P2RX3: variants seen among roughly 807,000 people sequenced by gnomAD.
P2RX3 encodes purinergic receptor P2X 3.
A neutral mutation model predicts 51.5 loss-of-function variants in P2RX3; 41 were observed. The ratio of observed to expected loss-of-function variants is 0.80; its 90% confidence interval spans 0.62 to 1.03. P2RX3 has a LOEUF of 1.03. Among genes scored for constraint, P2RX3 ranks in the 50% least tolerant of loss-of-function variants. P2RX3 has a pLI of 0.00. For missense variants in P2RX3, 459 were observed against 522.1 expected (o/e 0.88, Z 1.18); for synonymous variants, 185 against 191.6 (o/e 0.97, Z 0.29).
chr11:57,346,418 G>A (rs1190344368), intron 1 of P2RX3, 126 bp from the exon 2 acceptor site: 3 of 1,188,920 alleles, frequency 2.5e-6, no homozygotes, highest in Admixed American at 2.2e-5. Context: ...CACGCCTCTG[G>A]AAGGAACCAT....
intron 10 of P2RX3, among the ~76,000 whole-genome samples, chr11:57,368,951 C>A (rs908859997): frequency 2.0e-5 from 3 of 152,140 alleles, no homozygotes; most frequent in Non-Finnish European, 2.9e-5. Flanking sequence ...TCAGTCCTCC[C>A]TGGAGGACTG....
intron 8 of P2RX3, among the ~76,000 whole-genome samples, chr11:57,353,152 AAGAG>A (rs1032543702): frequency 1.3e-5 from 2 of 152,230 alleles, no homozygotes; most frequent in African/African-American, 4.8e-5. Flanking sequence ...ATGCTTGAAT[AAGAG>A]AGAAAGGGTC....
intron 8 of P2RX3, among the ~76,000 whole-genome samples, chr11:57,367,446 C>T (rs545293540): frequency 8.5e-4 from 129 of 152,280 alleles, no homozygotes; most frequent in African/African-American, 2.7e-3. Context: ...TCTGGCCGGA[C>T]GCGGTGGCTC....
intron 8 of P2RX3, among the ~76,000 whole-genome samples, chr11:57,354,308 T>C (rs1248377032): frequency 6.6e-6 from 1 of 152,214 alleles, no homozygotes; most frequent in Non-Finnish European, 1.5e-5. Context: ...TTTTACTCCT[T>C]GGTCTGTTCT....
At chr11:57,340,086 G>T (rs948032054) in intron 1 of P2RX3, among the ~76,000 whole-genome samples, 6 of 152,216 alleles carry the variant, frequency 3.9e-5, no homozygotes, top group African/African-American at 1.4e-4. Flanking sequence ...CATCTCTAGA[G>T]CTTGGCTCAA....
chr11:57,341,832 C>G (rs140344925), intron 1 of P2RX3, among the ~76,000 whole-genome samples: 57 of 152,240 alleles, frequency 3.7e-4, no homozygotes, highest in African/African-American at 1.3e-3. Context: ...CTGACCCCAC[C>G]ACAGCCCTGC....
rs1367531788 is a variant in P2RX3 at position 57,371,444 on chromosome 11, A to T, written c.*1447A>T. ...AGAGTGGGCATGATCATGAGGTCTT[A>T]GCTGCACCAGCTCAACTGTAGATGG... On this transcript the variant is annotated 3_prime_UTR_variant, in exon 12 of 12. Transcript: ENST00000263314. Among the ~76,000 whole-genome samples, 4 of 152,252 alleles carry T rather than the reference A, an allele frequency of 2.6e-5. No individual in the cohort carries two copies. Among genetic ancestry groups the T allele is most frequent in the Non-Finnish European group, 5.9e-5 (4 of 68,044 alleles).
upstream of P2RX3, among the ~76,000 whole-genome samples, chr11:57,336,093 T>C (rs1486641426): frequency 1.3e-5 from 2 of 152,056 alleles, no homozygotes; most frequent in African/African-American, 4.8e-5. Flanking sequence ...TAAAGAGAAA[T>C]TGTGTAGTTT....
At position 57,368,111 on chromosome 11, in the gene P2RX3, A is replaced by C. The variant is rs777723295; in HGVS notation, c.936+9A>C. 1.2e-6 allele frequency: 2 copies of C among 1,613,496 alleles called. No homozygotes were observed. The highest frequency in any genetic ancestry group is 2.2e-5 in the South Asian group (2 of 91,054). On this transcript the variant is annotated intron_variant, in intron 9 of 11. Transcript: ENST00000263314. ...TGCTGGTATACGGGAATGTGAGTCC[A>C]TGGGCCAGGCAGATGGGGTGGACAG...
chr11:57,357,455 A>G (rs1348429529), intron 8 of P2RX3, among the ~76,000 whole-genome samples: 3 of 152,252 alleles, frequency 2.0e-5, no homozygotes, highest in Non-Finnish European at 4.4e-5. Context: ...GTCTGGCTCC[A>G]GAACCTGTGC....
At chr11:57,364,614 G>A (rs571163971) in intron 8 of P2RX3, among the ~76,000 whole-genome samples, 7 of 152,180 alleles carry the variant, frequency 4.6e-5, no homozygotes, top group South Asian at 2.1e-4. Context: ...AAAATATCCC[G>A]AGAGTCCTCC....
At chr11:57,348,044 C>A in intron 4 of P2RX3, 126 bp from the exon 5 acceptor site, 1 of 856,312 alleles carries the variant, frequency 1.2e-6, no homozygotes, top group Non-Finnish European at 1.8e-6. Flanking sequence ...AGTCAGCTCC[C>A]TTTTCCCTGC....
upstream of P2RX3, among the ~76,000 whole-genome samples, chr11:57,337,457 G>T (rs1293473940): frequency 2.0e-5 from 3 of 151,590 alleles, no homozygotes; most frequent in African/African-American, 7.3e-5. Context: ...AAAAGAAGTT[G>T]GCACATATAC....
At position 57,361,253 on chromosome 11, in the gene P2RX3, C is replaced by T. The variant is rs547233746; in HGVS notation, c.843-6756C>T. On this transcript the variant is annotated intron_variant, in intron 8 of 11. Transcript: ENST00000263314. ...GCCTCTGGCCTTCTTGCCCTTTTAA[C>T]TCTCCATCCTTCAAGCCCCAGCTTG... Among the ~76,000 whole-genome samples, 3 of 152,208 alleles carry T rather than the reference C, an allele frequency of 2.0e-5. No homozygotes were observed. The East Asian group carries it at 5.8e-4, about 29-fold the overall frequency.
intron 7 of P2RX3, chr11:57,350,537 C>T (rs1170724479): frequency 7.7e-6 from 4 of 517,836 alleles, no homozygotes; most frequent in Non-Finnish European, 1.0e-5. Flanking sequence ...CCGCCTCGGC[C>T]TCCCAAAGTG....
In P2RX3 at chr11:57,346,557, C is replaced by A; in HGVS notation, c.133C>A (p.His45Asn). ...ISYFVGWVFLHEKAYQVRDTA... is the reference protein window; with the variant it reads ...ISYFVGWVFLNEKAYQVRDTA... ...CTCCTGCCCCAGGTGGGTTTTCTTG[C>A]ACGAGAAGGCTTACCAGGTACGGGA... The change falls in exon 2 of 12, where the codon CAC (histidine) becomes AAC (asparagine). Residue 45 changes from histidine to asparagine, a missense_variant. By Grantham distance (68) the His-to-Asn change is moderately conservative. Coordinates refer to ENST00000263314, the MANE Select transcript of P2RX3 (RefSeq NM_002559.5). 1.2e-6 allele frequency: 2 copies of A among 1,614,086 alleles called. No homozygotes were observed. The highest frequency in any genetic ancestry group is 2.7e-5 in the African/African-American group (2 of 75,034).
chr11:57,343,148 G>A (rs80116434), intron 1 of P2RX3, among the ~76,000 whole-genome samples: 16,045 of 152,190 alleles, frequency 0.11, 1,247 homozygotes, highest in Middle Eastern at 0.15. Context: ...ATGACATCCC[G>A]AGGCCCTGTG....
chr11:57,370,120 G>C lies in P2RX3; in HGVS notation c.*123G>C. ...TTCTGCTGCTCATTCCATGAGCATA[G>C]CTGGGACCCAAGTGTCTGGGCCTCC... On this transcript the variant is annotated 3_prime_UTR_variant, in exon 12 of 12. Coordinates refer to ENST00000263314, the MANE Select transcript of P2RX3 (RefSeq NM_002559.5). 7.0e-6 allele frequency: 5 copies of C among 710,158 alleles called. No homozygotes were observed. Among genetic ancestry groups the C allele is most frequent in the Non-Finnish European group, 1.2e-5 (5 of 420,940 alleles). 44.0% of individuals were successfully genotyped at this position (710,158 alleles called of 1,614,324 possible).
At position 57,370,041 on chromosome 11, in the gene P2RX3, C is replaced by T; in HGVS notation, c.*44C>T. On this transcript the variant is annotated 3_prime_UTR_variant, in exon 12 of 12. Coordinates refer to ENST00000263314, the MANE Select transcript of P2RX3 (RefSeq NM_002559.5). ...CACACTCACAAAGGCTCCAGGCCTC[C>T]CCACAGAGGACCCTGCCTGAGCAAG... is the stretch of plus-strand genomic sequence containing the variant. 1 of 1,386,384 alleles carries T rather than the reference C, an allele frequency of 7.2e-7. No homozygotes were observed. Among genetic ancestry groups the T allele is most frequent in the Non-Finnish European group, 1.0e-6 (1 of 987,694 alleles). 85.9% of individuals were successfully genotyped at this position (1,386,384 alleles called of 1,614,324 possible).
Sources: gnomAD v4.1 joint callset for allele counts (sites outside exome capture counted in the v4.1 genomes callset) on GRCh38, gnomAD v4.1.1 for gene constraint, MANE v1.5 for transcripts, NCBI Gene and HGNC (gene_info 2026-07-23, HGNC 2026-07-21) for gene names.